Variants in TRPC4AP observed in about 807,000 individuals in gnomAD.
The protein encoded by TRPC4AP is short transient receptor potential channel 4-associated protein.
TRPC4AP carries 45 observed loss-of-function variants against 99.0 expected under a neutral mutation model. The ratio of observed to expected loss-of-function variants is 0.45; its 90% CI spans 0.36 to 0.58. The LOEUF is 0.58. Among genes scored for constraint, TRPC4AP ranks in the 20% least tolerant of loss-of-function variants. TRPC4AP has a pLI of 0.00. For synonymous variants in TRPC4AP, 408 were observed against 385.8 expected (o/e 1.06, Z -0.67); for missense variants, 879 against 985.3 (o/e 0.89, Z 1.44).
At chr20:35,041,038 A>G (rs892841261) in intron 7 of TRPC4AP, among the ~76,000 whole-genome samples, 3 of 152,222 alleles carry the variant, frequency 2.0e-5, no homozygotes, top group African/African-American at 7.2e-5. Context: ...GATACAATAA[A>G]AAGGTGGCCT....
intron 3 of TRPC4AP, among the ~76,000 whole-genome samples, chr20:35,066,307 G>A (rs1028972242): frequency 2.6e-5 from 4 of 151,982 alleles, no homozygotes; most frequent in South Asian, 4.2e-4. Flanking sequence ...GGGTTTTGCC[G>A]TGTTGCCCAG....
intron 2 of TRPC4AP, among the ~76,000 whole-genome samples, chr20:35,074,090 G>A (rs1277683731): frequency 6.6e-6 from 1 of 152,208 alleles, no homozygotes; most frequent in African/African-American, 2.4e-5. Flanking sequence ...TCTGATGGTA[G>A]TTTGTATTTC....
Position 35,002,925 on chromosome 20 carries a change from G to A in TRPC4AP, c.*221C>T. 5.4e-6 allele frequency: 3 copies of A among 555,530 alleles called. No individual in the cohort carries two copies. Among genetic ancestry groups the A allele is most frequent in the South Asian group, 2.4e-5 (1 of 42,178 alleles). The allele number at this position is 555,530 out of a possible 1,614,324, so 34.4% of individuals were successfully genotyped here. The stretch of plus-strand genomic sequence containing the variant: ...GGGTTCTGAAGGAAAGGTGGGCATG[G>A]TACCCTGTCCTCATTATGGGGACTG... On this transcript the variant is annotated 3_prime_UTR_variant, in exon 19 of 19. Coordinates refer to ENST00000252015, the MANE Select transcript of TRPC4AP (RefSeq NM_015638.3).
chr20:35,032,266 C>T (rs2083213482), intron 8 of TRPC4AP, among the ~76,000 whole-genome samples: 1 of 152,152 alleles, frequency 6.6e-6, no homozygotes, highest in Non-Finnish European at 1.5e-5. Flanking sequence ...CTCAAATGCT[C>T]TGCCCGCCTC....
chr20:35,046,160 T>A (rs1376114718), intron 6 of TRPC4AP, among the ~76,000 whole-genome samples: 1 of 152,208 alleles, frequency 6.6e-6, no homozygotes, highest in Non-Finnish European at 1.5e-5. Context: ...AAGTTCAATA[T>A]TTGCTGTAAA....
intron 1 of TRPC4AP, among the ~76,000 whole-genome samples, 190 bp downstream of exon 1, chr20:35,092,424 G>C (rs941563414): frequency 1.3e-5 from 2 of 152,230 alleles, no homozygotes; most frequent in African/African-American, 4.8e-5. Flanking sequence ...CCTGACAAGG[G>C]ACATCAAGCC....
chr20:35,005,335 T>C (rs1026578400), intron 16 of TRPC4AP, among the ~76,000 whole-genome samples: 2 of 152,102 alleles, frequency 1.3e-5, no homozygotes, highest in Non-Finnish European at 2.9e-5. Flanking sequence ...CACATGGAAG[T>C]GCGTTAGCAA....
intron 11 of TRPC4AP, 42 bp from the exon 12 acceptor site, chr20:35,010,330 G>A (rs1462969994): frequency 5.8e-6 from 9 of 1,553,812 alleles, no homozygotes; most frequent in Non-Finnish European, 8.0e-6. Context: ...ACAGGAACTG[G>A]GGCTGCTGGG....
At chr20:35,082,662 T>C (rs1223778710) in intron 1 of TRPC4AP, among the ~76,000 whole-genome samples, 3 of 152,136 alleles carry the variant, frequency 2.0e-5, no homozygotes, top group South Asian at 2.1e-4. Flanking sequence ...AAAACCACAA[T>C]TCAAAAATTG....
chr20:35,078,669 CCAAT>C (rs1460490446), intron 1 of TRPC4AP, among the ~76,000 whole-genome samples: 8 of 152,050 alleles, frequency 5.3e-5, no homozygotes, highest in South Asian at 2.1e-4. Context: ...TCTAAACTTA[CCAAT>C]CAAAGGAAAG....
chr20:35,050,596 C>T (rs1418851936), intron 5 of TRPC4AP, among the ~76,000 whole-genome samples: 1 of 151,906 alleles, frequency 6.6e-6, no homozygotes, highest in Non-Finnish European at 1.5e-5. Flanking sequence ...GCCTGTAGTC[C>T]TAGCTACTCA....
At chr20:35,083,644 A>G (rs943754304) in intron 1 of TRPC4AP, among the ~76,000 whole-genome samples, 1 of 151,704 alleles carries the variant, frequency 6.6e-6, no homozygotes. Flanking sequence ...ATAACTTCCA[A>G]TTTATACTTC....
chr20:35,037,550 G>T (rs1263245869), intron 7 of TRPC4AP, among the ~76,000 whole-genome samples: 1 of 152,092 alleles, frequency 6.6e-6, no homozygotes, highest in African/African-American at 2.4e-5. Flanking sequence ...ACAAACTGTG[G>T]TATCTACATG....
intron 16 of TRPC4AP, among the ~76,000 whole-genome samples, chr20:35,004,960 C>T (rs3746432): frequency 0.39 from 59,995 of 152,024 alleles, 13,023 homozygotes; most frequent in East Asian, 0.59. Flanking sequence ...GAGGTCCTAG[C>T]GCAACTGGTT....
At chr20:35,079,187 A>G (rs2084560799) in intron 1 of TRPC4AP, among the ~76,000 whole-genome samples, 1 of 152,242 alleles carries the variant, frequency 6.6e-6, no homozygotes, top group Admixed American at 6.5e-5. Context: ...GGGTCATTTC[A>G]TAATGACAAA....
At chr20:35,087,292 T>C (rs1453329671) in intron 1 of TRPC4AP, among the ~76,000 whole-genome samples, 6 of 147,752 alleles carry the variant, frequency 4.1e-5, no homozygotes, top group Non-Finnish European at 5.9e-5. Flanking sequence ...TGAGCTGAGA[T>C]TGCACCATTG....
chr20:35,034,628 A>C (rs1263274580), intron 8 of TRPC4AP, among the ~76,000 whole-genome samples: 2 of 152,172 alleles, frequency 1.3e-5, no homozygotes, highest in African/African-American at 4.8e-5. Flanking sequence ...TGCTGGCCAG[A>C]GTCAAATGCT....
chr20:35,002,425 T>A lies in TRPC4AP; in HGVS notation c.*721A>T. 2.4e-6 allele frequency: 1 copy of A among 415,400 alleles called. No individual in the cohort carries two copies. The highest frequency in any genetic ancestry group is 4.2e-6 in the Non-Finnish European group (1 of 237,770). 25.7% of individuals were successfully genotyped at this position (415,400 alleles called of 1,614,324 possible). On this transcript the variant is annotated 3_prime_UTR_variant, in exon 19 of 19. Transcript: ENST00000252015. ...GCAGTCATTTTTAAAATAAAGTTAT[T>A]TAATAGTCTCCATTTAATTGGTTTA...
chr20:35,016,745 G>A (rs1055087711), intron 9 of TRPC4AP, among the ~76,000 whole-genome samples: 2 of 152,148 alleles, frequency 1.3e-5, no homozygotes, highest in African/African-American at 4.8e-5. Flanking sequence ...AATTCTGTAT[G>A]GCAAAACTCA....
Sources: allele counts gnomAD v4.1 joint callset (sites outside exome capture counted in the v4.1 genomes callset), GRCh38; gene constraint gnomAD v4.1.1; transcripts MANE v1.5; gene names NCBI Gene and HGNC (gene_info 2026-07-23, HGNC 2026-07-21).